UBAP1: variants seen among roughly 807,000 people sequenced by gnomAD.
UBAP1 encodes ubiquitin associated protein 1.
In UBAP1, 5 loss-of-function variants were observed where a neutral mutation model predicts 39.0. The ratio of observed to expected loss-of-function variants is 0.13; its 90% CI spans 0.07 to 0.27. The LOEUF is 0.27. Ranked by LOEUF, UBAP1 falls within the 10% of genes least tolerant of loss-of-function variation. The pLI, the probability that UBAP1 is intolerant of heterozygous loss-of-function variation, is 1.00. For synonymous variants in UBAP1, 211 were observed against 225.1 expected, an observed-to-expected ratio of 0.94 and a Z score of 0.56; for missense variants, 490 against 608.1, an observed-to-expected ratio of 0.81 and a Z score of 2.04.
At chr9:34,214,193 AAAAG>A (rs1313320098) in intron 1 of UBAP1, among the ~76,000 whole-genome samples, 2 of 152,216 alleles carry the variant, frequency 1.3e-5, no homozygotes, top group Admixed American at 6.5e-5. Context: ...ATGGAACAAA[AAAAG>A]AACCTGCATA....
chr9:34,217,991 G>A (rs1171542464), intron 1 of UBAP1, among the ~76,000 whole-genome samples: 1 of 150,670 alleles, frequency 6.6e-6, no homozygotes, highest in Admixed American at 6.6e-5. Flanking sequence ...AGTAGCTCGC[G>A]TCTGTGATCC....
At position 34,241,276 on chromosome 9, in the gene UBAP1, C is replaced by A. The variant is rs147255865; in HGVS notation, c.251C>A (p.Ala84Glu). 4 of 1,503,512 alleles carry A rather than the reference C, an allele frequency of 2.7e-6. No individual in the cohort carries two copies. In the African/African-American group the frequency reaches 4.2e-5, roughly 16 times the overall value. 93.1% of individuals were successfully genotyped at this position (1,503,512 alleles called of 1,614,324 possible). Residue 84 changes from alanine to glutamate, a missense_variant, in exon 4 of 7, where the codon GCG becomes GAG. This residue lies in a region of UBAP1 where 144 missense variants were observed against 184.4 expected (regional missense o/e 0.78). Coordinates refer to ENST00000297661, the MANE Select transcript of UBAP1 (RefSeq NM_016525.5). ...GAGCGGGAAGCAGAGTGCAAAATTG[C>A]GGAAGCAGAAGCTAAAGTGAATTCT... is the stretch of plus-strand genomic sequence containing the variant. ...EAEREAECKI[A>E]EAEAKVNSKS...
intron 1 of UBAP1, among the ~76,000 whole-genome samples, chr9:34,180,936 G>A (rs1427903438): frequency 2.0e-5 from 3 of 150,196 alleles, no homozygotes; most frequent in Non-Finnish European, 4.4e-5. Flanking sequence ...TCAGCCTCCC[G>A]AGTAGCTGAG....
intron 1 of UBAP1, among the ~76,000 whole-genome samples, chr9:34,218,550 C>T (rs886641388): frequency 2.0e-5 from 3 of 152,240 alleles, no homozygotes; most frequent in South Asian, 2.1e-4. Context: ...TTAGATACCG[C>T]TACTTTCCCA....
rs563183100 is a variant in UBAP1 at position 34,251,263 on chromosome 9, A to G, written c.1369-129A>G. On this transcript the variant is annotated intron_variant, in intron 6 of 6. Transcript: ENST00000297661. ...TTGCTAGGGGACCTTATGGAGACTC[A>G]CGGGGCTCTGGGGGAAGGATGTAGA... 186 of 1,024,264 alleles carry G rather than the reference A, an allele frequency of 1.8e-4. No homozygotes were observed. The African/African-American group carries it at 2.8e-3, about 15-fold the overall frequency. The allele number at this position is 1,024,264 out of a possible 1,614,324, so 63.4% of individuals were successfully genotyped here.
intron 3 of UBAP1, among the ~76,000 whole-genome samples, chr9:34,235,049 ATG>A (rs1458059349): frequency 2.0e-5 from 3 of 152,032 alleles, no homozygotes; most frequent in African/African-American, 7.3e-5. Flanking sequence ...GCCTAGGCTG[ATG>A]TGTGTGTGGC....
chr9:34,234,868 T>C (rs1355637591), intron 3 of UBAP1, among the ~76,000 whole-genome samples: 1 of 152,180 alleles, frequency 6.6e-6, no homozygotes, highest in Non-Finnish European at 1.5e-5. Flanking sequence ...ATCTTTCTAC[T>C]TATTAAAAAA....
chr9:34,228,413 A>G (rs1319508149), intron 2 of UBAP1, among the ~76,000 whole-genome samples: 9 of 146,220 alleles, frequency 6.2e-5, no homozygotes, highest in Non-Finnish European at 9.0e-5. Context: ...GCGAGACTTC[A>G]TCTCAAAAAA....
intron 2 of UBAP1, 67 bp from the exon 3 acceptor site, chr9:34,234,149 A>G (rs1833565527): frequency 2.6e-6 from 4 of 1,516,462 alleles, no homozygotes; most frequent in Non-Finnish European, 3.5e-6. Context: ...TCCGTTAGAC[A>G]TAAGATTATG....
At chr9:34,179,464 A>T (rs1017944606) in intron 1 of UBAP1, among the ~76,000 whole-genome samples, 4 of 151,952 alleles carry the variant, frequency 2.6e-5, no homozygotes, top group African/African-American at 9.7e-5. Flanking sequence ...GGGAAGTGGG[A>T]TGCGGAAAAA....
intron 1 of UBAP1, among the ~76,000 whole-genome samples, chr9:34,211,665 ATTAC>A (rs937378108): frequency 3.3e-5 from 5 of 152,044 alleles, no homozygotes; most frequent in African/African-American, 1.2e-4. Context: ...GTTTTTTATT[ATTAC>A]TTTTTAAAAA....
intron 3 of UBAP1, among the ~76,000 whole-genome samples, chr9:34,235,057 G>A (rs1833616654): frequency 1.3e-5 from 2 of 151,962 alleles, no homozygotes; most frequent in African/African-American, 4.8e-5. Context: ...TGATGTGTGT[G>A]TGGCTTCATT....
intron 1 of UBAP1, among the ~76,000 whole-genome samples, chr9:34,215,740 C>CAT (rs746316365): frequency 2.6e-5 from 4 of 151,550 alleles, no homozygotes; most frequent in East Asian, 1.9e-4. Flanking sequence ...AACGTGTGTA[C>CAT]ATATATATAT....
chr9:34,186,346 T>G (rs1345147420), intron 1 of UBAP1, among the ~76,000 whole-genome samples: 2 of 152,168 alleles, frequency 1.3e-5, no homozygotes, highest in Non-Finnish European at 2.9e-5. Context: ...AAATTTGTAT[T>G]TGGCAGTAAT....
At chr9:34,182,665 TTCTTTCTTTCTTTCTTTC>T (rs1303240884) in intron 1 of UBAP1, among the ~76,000 whole-genome samples, 4 of 60,806 alleles carry the variant, frequency 6.6e-5, no homozygotes, top group African/African-American at 1.7e-4. Context: ...CTTTCTTTCT[TTCTTTCTTTCTTTCTTTC>T]TCTCTCTCTT....
intron 3 of UBAP1, among the ~76,000 whole-genome samples, chr9:34,235,850 G>A (rs1372394642): frequency 8.1e-6 from 1 of 123,842 alleles, no homozygotes. Context: ...TTCTTTTTTT[G>A]AGACGGAGTT....
chr9:34,231,127 A>ATGTGTGTGTGTGTGTGTGTGTG (rs6150983), intron 2 of UBAP1, among the ~76,000 whole-genome samples: 2 of 137,026 alleles, frequency 1.5e-5, no homozygotes, highest in African/African-American at 5.5e-5. Context: ...TAAAAAAATT[A>ATGTGTGTGTGTGTGTGTGTGTG]TGTGTGTGTG....
intron 1 of UBAP1, among the ~76,000 whole-genome samples, chr9:34,182,443 C>T (rs1015928474): frequency 4.0e-5 from 6 of 151,840 alleles, no homozygotes; most frequent in Non-Finnish European, 8.8e-5. Context: ...CCTCGGCCTC[C>T]CAAAGTGCAG....
rs146892593 is a variant in UBAP1, at chr9:34,209,047, G to A, written c.-7-11861G>A. 7.8e-3 allele frequency among the ~76,000 whole-genome samples: 1,191 copies of A among 152,008 alleles called. 18 individuals carry two copies. Among genetic ancestry groups the A allele is most frequent in the African/African-American group, 0.027 (1,121 of 41,488 alleles). ...CTTCCTGGGTTCAAGCCATTCTCCT[G>A]CCTCAGCCTCCCGTGTAGCTGGGAT... On this transcript the variant is annotated intron_variant, in intron 1 of 6. Transcript: ENST00000297661.
Sources: gnomAD v4.1 joint callset for allele counts (sites outside exome capture counted in the v4.1 genomes callset) on GRCh38, gnomAD v4.1.1 for gene constraint, gnomAD v4.1.1 regional missense constraint, MANE v1.5 for transcripts, NCBI Gene and HGNC (gene_info 2026-07-23, HGNC 2026-07-21) for gene names.